Variants in WWOX observed in about 807,000 individuals in gnomAD.
WWOX encodes the protein WW domain-containing oxidoreductase.
A neutral mutation model predicts 46.2 loss-of-function variants in WWOX; 69 were observed. That is an observed-to-expected ratio of 1.49 (90% confidence interval 1.23 to 1.82). WWOX has a LOEUF of 1.82. WWOX is among the 40% of genes most tolerant of loss of function. WWOX has a pLI of 0.00. For synonymous variants in WWOX, 359 were observed against 202.6 expected, an observed-to-expected ratio of 1.77 and a Z score of -6.56; for missense variants, 919 against 542.6, an observed-to-expected ratio of 1.69 and a Z score of -6.89.
chr16:78,277,678 G>A (rs1314751010), intron 5 of WWOX, among the ~76,000 whole-genome samples: 1 of 152,128 alleles, frequency 6.6e-6, no homozygotes, highest in African/African-American at 2.4e-5. Flanking sequence ...AGCGTGTAGG[G>A]TTTGCATGAT....
intron 5 of WWOX, among the ~76,000 whole-genome samples, chr16:78,359,430 A>C (rs188549280): frequency 5.3e-5 from 8 of 152,272 alleles, no homozygotes; most frequent in Admixed American, 2.0e-4. Flanking sequence ...AGAGCCCCCA[A>C]ATTGCTGTAA....
intron 8 of WWOX, among the ~76,000 whole-genome samples, chr16:78,920,916 C>A (rs998344998): frequency 2.6e-5 from 4 of 152,186 alleles, no homozygotes; most frequent in South Asian, 4.1e-4. Flanking sequence ...AATTGACTTT[C>A]AAACTGCTCT....
At chr16:78,324,847 G>A (rs1046612001) in intron 5 of WWOX, among the ~76,000 whole-genome samples, 15 of 152,136 alleles carry the variant, frequency 9.9e-5, no homozygotes, top group Admixed American at 2.0e-4. Context: ...GCAATTGTCT[G>A]TGTTGGTTGC....
At chr16:78,123,074 T>A in intron 4 of WWOX, among the ~76,000 whole-genome samples, 1 of 152,190 alleles carries the variant, frequency 6.6e-6, no homozygotes, top group Non-Finnish European at 1.5e-5. Flanking sequence ...TTAAATAATG[T>A]CTTTTACTTT....
At chr16:78,714,449 G>T (rs901406678) in intron 8 of WWOX, among the ~76,000 whole-genome samples, 1 of 151,918 alleles carries the variant, frequency 6.6e-6, no homozygotes, top group African/African-American at 2.4e-5. Flanking sequence ...CCATGATTCA[G>T]TTACCTCCCA....
intron 5 of WWOX, among the ~76,000 whole-genome samples, chr16:78,276,408 A>G (rs756488901): frequency 1.2e-4 from 18 of 152,222 alleles, no homozygotes; most frequent in Non-Finnish European, 2.5e-4. Flanking sequence ...CAAGCGACAC[A>G]TACAATTTAA....
At chr16:78,495,622 C>T (rs2084898642) in intron 8 of WWOX, among the ~76,000 whole-genome samples, 1 of 151,528 alleles carries the variant, frequency 6.6e-6, no homozygotes, top group Admixed American at 6.6e-5. Context: ...GACTCTCTTG[C>T]CTCAACCTCC....
intron 5 of WWOX, among the ~76,000 whole-genome samples, chr16:78,327,349 A>G (rs2080646871): frequency 6.6e-6 from 1 of 152,136 alleles, no homozygotes; most frequent in African/African-American, 2.4e-5. Context: ...TTTCAAAGCC[A>G]GTTGTCACTC....
intron 8 of WWOX, chr16:79,106,805 CTTTTTTTTTTT>C (rs75277633): frequency 1.8e-5 from 2 of 113,426 alleles, no homozygotes; most frequent in Non-Finnish European, 1.9e-5. Context: ...AACTTTTTTT[CTTTTTTTTTTT>C]TTTTTTTTTG....
intron 8 of WWOX, among the ~76,000 whole-genome samples, chr16:78,531,447 C>G (rs1221674466): frequency 6.6e-6 from 1 of 152,136 alleles, no homozygotes; most frequent in African/African-American, 2.4e-5. Flanking sequence ...TATTGTTGCT[C>G]TCTAATACTT....
intron 8 of WWOX, among the ~76,000 whole-genome samples, chr16:78,577,992 C>T (rs1161320449): frequency 6.6e-6 from 1 of 151,902 alleles, no homozygotes; most frequent in East Asian, 1.9e-4. Flanking sequence ...CATTTGTCAC[C>T]TAGGTCCAGA....
At chr16:78,830,528 G>T (rs2051790721) in intron 8 of WWOX, among the ~76,000 whole-genome samples, 1 of 151,996 alleles carries the variant, frequency 6.6e-6, no homozygotes, top group Non-Finnish European at 1.5e-5. Context: ...TACCAGGGAA[G>T]CCTCCTTCCT....
chr16:78,954,565 C>T (rs985672280), intron 8 of WWOX, among the ~76,000 whole-genome samples: 5 of 152,120 alleles, frequency 3.3e-5, no homozygotes, highest in African/African-American at 1.2e-4. Flanking sequence ...TGTGGAGCAG[C>T]AGCGAAGGCC....
At chr16:79,089,609 C>T (rs1358016039) in intron 8 of WWOX, among the ~76,000 whole-genome samples, 1 of 152,164 alleles carries the variant, frequency 6.6e-6, no homozygotes, top group African/African-American at 2.4e-5. Context: ...GGATTACAGG[C>T]ATGAGCCACC....
At chr16:79,122,077 G>C (rs1019064863) in intron 8 of WWOX, among the ~76,000 whole-genome samples, 1 of 152,194 alleles carries the variant, frequency 6.6e-6, no homozygotes, top group African/African-American at 2.4e-5. Context: ...TAGGGTGTGA[G>C]GGTGTGTGCT....
chr16:78,787,693 T>C (rs185140125), intron 8 of WWOX, among the ~76,000 whole-genome samples: 116 of 152,332 alleles, frequency 7.6e-4, no homozygotes, highest in African/African-American at 2.7e-3. Context: ...GGGAGTGGCA[T>C]TGCTGGGTAA....
chr16:78,948,232 G>A (rs114682473), intron 8 of WWOX, among the ~76,000 whole-genome samples: 2 of 152,286 alleles, frequency 1.3e-5, no homozygotes, highest in African/African-American at 4.8e-5. Context: ...CAGGTGGTAG[G>A]TTGGTCCACA....
intron 8 of WWOX, among the ~76,000 whole-genome samples, chr16:78,820,786 G>A (rs1195955943): frequency 2.0e-5 from 3 of 152,096 alleles, no homozygotes; most frequent in Admixed American, 6.5e-5. Flanking sequence ...AGGCGTTTGT[G>A]GGGTTCGTTC....
intron 8 of WWOX, among the ~76,000 whole-genome samples, chr16:78,447,957 C>G (rs2083600420): frequency 6.6e-6 from 1 of 152,154 alleles, no homozygotes; most frequent in South Asian, 2.1e-4. Flanking sequence ...GCACCCACCA[C>G]TACATCCAGC....
Sources: gnomAD v4.1 joint callset for allele counts (sites outside exome capture counted in the v4.1 genomes callset) on GRCh38, gnomAD v4.1.1 for gene constraint, MANE v1.5 for transcripts, NCBI Gene and HGNC (gene_info 2026-07-23, HGNC 2026-07-21) for gene names.